ARHGAP6: variants seen among roughly 807,000 people sequenced by gnomAD.
ARHGAP6 encodes Rho GTPase activating protein 6.
Under a neutral mutation model 55.7 loss-of-function variants are expected in ARHGAP6, and 16 were observed. The ratio of observed to expected loss-of-function variants is 0.29; its 90% CI spans 0.19 to 0.44. The LOEUF (loss-of-function observed/expected upper bound fraction) is 0.44, where lower values mean the gene tolerates loss of function less well. Ranked by LOEUF, ARHGAP6 falls within the 20% of genes least tolerant of loss-of-function variation. The pLI is 1.00. For synonymous variants in ARHGAP6, 382 were observed against 360.9 expected (o/e 1.06, Z -0.66); for missense variants, 698 against 808.9 (o/e 0.86, Z 1.66).
intron 1 of ARHGAP6, chrX:11,300,799 A>G: frequency 4.6e-6 from 2 of 434,410 alleles, no homozygotes; most frequent in Non-Finnish European, 4.1e-6. Flanking sequence ...AAATTTTCCT[A>G]TCATTTGAGA....
chrX:11,399,948 T>C (rs1324821895), intron 1 of ARHGAP6, among the ~76,000 whole-genome samples: 1 of 112,158 alleles, frequency 8.9e-6, no homozygotes, highest in Non-Finnish European at 1.9e-5. Flanking sequence ...GAAAACATTA[T>C]GCTAAGTGAA....
chrX:11,568,154 G>GA (rs1004126764), intron 1 of ARHGAP6, among the ~76,000 whole-genome samples: 5 of 109,638 alleles, frequency 4.6e-5, no homozygotes, highest in African/African-American at 6.6e-5. Flanking sequence ...GGAGGACCTG[G>GA]AAAAAAAAAG....
chrX:11,596,794 A>T (rs1232925395), intron 1 of ARHGAP6, among the ~76,000 whole-genome samples: 2 of 111,103 alleles, frequency 1.8e-5, no homozygotes, highest in Non-Finnish European at 3.8e-5. Flanking sequence ...TTCAAAGCAC[A>T]TTGTCTTTGA....
intron 1 of ARHGAP6, among the ~76,000 whole-genome samples, chrX:11,538,849 G>GT (rs34683200): frequency 0.018 from 1,538 of 86,155 alleles, 28 homozygotes; most frequent in East Asian, 0.059. Flanking sequence ...TGTGTGTGTG[G>GT]TTTTTTTTTT....
At chrX:11,662,368 C>G (rs1034477589) in intron 1 of ARHGAP6, among the ~76,000 whole-genome samples, 1 of 111,664 alleles carries the variant, frequency 9.0e-6, no homozygotes, top group Non-Finnish European at 1.9e-5. Context: ...GAGTTCTATC[C>G]AATCACTCCA....
At chrX:11,480,315 T>TA (rs746920871) in intron 1 of ARHGAP6, among the ~76,000 whole-genome samples, 1 of 111,843 alleles carries the variant, frequency 8.9e-6, no homozygotes, top group African/African-American at 3.3e-5. Flanking sequence ...AACATTATGC[T>TA]AAATGAAAAA....
At chrX:11,226,599 T>C (rs2047053967) in intron 2 of ARHGAP6, among the ~76,000 whole-genome samples, 2 of 112,138 alleles carry the variant, frequency 1.8e-5, no homozygotes, top group Non-Finnish European at 1.9e-5. Context: ...TGTATAAAAT[T>C]GATACTTTAT....
At position 11,588,603 on chromosome X, in the gene ARHGAP6, T is replaced by C. The variant is rs2051765269; in HGVS notation, c.588+75638A>G. Among the ~76,000 whole-genome samples, 7 of 112,480 alleles carry C rather than the reference T, an allele frequency of 6.2e-5. No individual in the cohort carries two copies. In the Admixed American group the frequency reaches 6.6e-4, roughly 11 times the overall value. On this transcript the variant is annotated intron_variant, in intron 1 of 12. Transcript: ENST00000337414. ...TCAGCAACAAAAGGAAATTAAGTAC[T>C]GATACATGCTACAACGTGAATGAAT...
intron 3 of ARHGAP6, among the ~76,000 whole-genome samples, chrX:11,195,274 C>T (rs1398312217): frequency 9.1e-6 from 1 of 109,484 alleles, no homozygotes; most frequent in Non-Finnish European, 1.9e-5. Flanking sequence ...ATTGCTTGAA[C>T]CTGGGAGGCA....
chrX:11,277,078 G>C (rs1335721601), intron 1 of ARHGAP6, among the ~76,000 whole-genome samples: 1 of 110,504 alleles, frequency 9.0e-6, no homozygotes, highest in East Asian at 2.8e-4. Flanking sequence ...TCTACTTTCT[G>C]TCTCTATGGT....
chrX:11,657,802 C>T (rs2052655640), intron 1 of ARHGAP6, among the ~76,000 whole-genome samples: 1 of 111,039 alleles, frequency 9.0e-6, no homozygotes, highest in Non-Finnish European at 1.9e-5. Flanking sequence ...AAGACAATCC[C>T]AGAGTCAGAG....
intron 1 of ARHGAP6, among the ~76,000 whole-genome samples, chrX:11,548,398 C>T (rs1441051314): frequency 1.8e-5 from 2 of 110,796 alleles, no homozygotes; most frequent in Non-Finnish European, 3.8e-5. Context: ...CCAGTCTCTC[C>T]CCATCCTCCC....
At chrX:11,646,305 T>C (rs1028577854) in intron 1 of ARHGAP6, among the ~76,000 whole-genome samples, 2 of 111,227 alleles carry the variant, frequency 1.8e-5, no homozygotes, top group Non-Finnish European at 3.8e-5. Context: ...AAATGAGATG[T>C]AAATGGAGAC....
chrX:11,556,537 G>A, intron 1 of ARHGAP6, among the ~76,000 whole-genome samples: 1 of 112,284 alleles, frequency 8.9e-6, no homozygotes, highest in South Asian at 3.7e-4. Context: ...CGATTACAGA[G>A]TTTCTTTAAA....
At chrX:11,180,538 G>A (rs1245273669) in intron 6 of ARHGAP6, among the ~76,000 whole-genome samples, 1 of 111,344 alleles carries the variant, frequency 9.0e-6, no homozygotes, top group Non-Finnish European at 1.9e-5. Context: ...TAAGGAAAAA[G>A]TGCAGGGTGC....
intron 1 of ARHGAP6, chrX:11,300,636 T>A: frequency 8.4e-7 from 1 of 1,189,703 alleles, no homozygotes; most frequent in Non-Finnish European, 1.1e-6. Flanking sequence ...GAGAGGGGAA[T>A]GAATACTTCA....
intron 1 of ARHGAP6, among the ~76,000 whole-genome samples, chrX:11,578,238 T>G (rs1393919866): frequency 9.0e-6 from 1 of 111,680 alleles, no homozygotes; most frequent in Non-Finnish European, 1.9e-5. Flanking sequence ...GTTCAGTGTG[T>G]TAACAATGTG....
intron 1 of ARHGAP6, among the ~76,000 whole-genome samples, chrX:11,440,110 CA>C (rs1373257377): frequency 8.9e-6 from 1 of 112,293 alleles, no homozygotes; most frequent in African/African-American, 3.2e-5. Context: ...ATCAGAAAAG[CA>C]AAGGATTCTA....
rs1360973992 is a variant in ARHGAP6 at position 11,402,123 on chromosome X, ATACAAGAGT to A, written c.589-147425_589-147417del. ...TTGCTGGAAGTCATCCAATTAGTAG[ATACAAGAGT>A]TGGGATTTGAAACCATGCCTGATTC... On this transcript the variant is annotated intron_variant, in intron 1 of 12. Coordinates refer to ENST00000337414, the MANE Select transcript of ARHGAP6 (RefSeq NM_013427.3). Among the ~76,000 whole-genome samples the A allele has an allele frequency of 2.7e-5, 3 of 112,028 alleles. No homozygotes were observed. The East Asian group carries it at 8.4e-4, about 31-fold the overall frequency.
Sources: allele counts gnomAD v4.1 joint callset (sites outside exome capture counted in the v4.1 genomes callset), GRCh38; gene constraint gnomAD v4.1.1; transcripts MANE v1.5; gene names NCBI Gene and HGNC (gene_info 2026-07-23, HGNC 2026-07-21).